The following ZNF263 variants were observed in gnomAD, a reference collection of about 807,000 sequenced individuals.
The protein encoded by ZNF263 is zinc finger protein FPM315.
A neutral mutation model predicts 63.1 loss-of-function variants in ZNF263; 49 were observed. The observed-to-expected ratio is 0.78, with a 90% CI of 0.62 to 0.99. The LOEUF (loss-of-function observed/expected upper bound fraction) is 0.99, where lower values mean the gene tolerates loss of function less well. Ranked by LOEUF, ZNF263 falls within the 50% of genes least tolerant of loss-of-function variation. The pLI is 0.00. For synonymous variants in ZNF263, 352 were observed against 324.2 expected, an observed-to-expected ratio of 1.09 and a Z score of -0.92; for missense variants, 872 against 854.8, an observed-to-expected ratio of 1.02 and a Z score of -0.25.
At chr16:3,298,633 T>C (rs993452135) in intron 1 of ZNF263, among the ~76,000 whole-genome samples, 19 of 152,218 alleles carry the variant, frequency 1.2e-4, no homozygotes, top group Non-Finnish European at 2.1e-4. Flanking sequence ...ACCTAATTTA[T>C]CCTTATCTTA....
intron 1 of ZNF263, among the ~76,000 whole-genome samples, chr16:3,297,578 T>C (rs1384523111): frequency 6.7e-6 from 1 of 149,898 alleles, no homozygotes; most frequent in African/African-American, 2.4e-5. Flanking sequence ...CATTTTCCTG[T>C]CTCAGCCTCC....
intron 2 of ZNF263, chr16:3,300,906 T>C (rs1959921706): frequency 6.8e-6 from 2 of 294,712 alleles, no homozygotes; most frequent in Non-Finnish European, 1.3e-5. Context: ...CTCCTCTCTT[T>C]TGACAGATAC....
In ZNF263 at chr16:3,290,033, G is replaced by A. The variant is rs779017747; in HGVS notation, c.1527G>A (p.Gln509=). ...FAHSSNLLRH[Q]RIHTGERPYK... ...ACAGTTCCAACCTCCTTCGGCACCA[G>A]AGAATTCACACTGGAGAGCGACCTT... The change falls in exon 6 of 6, where the codon CAG becomes CAA. Residue 509 remains glutamine (Q), a synonymous_variant. Coordinates refer to ENST00000219069, the MANE Select transcript of ZNF263 (RefSeq NM_005741.5). 4.2e-5 allele frequency: 67 copies of A among 1,614,066 alleles called. No individual in the cohort carries two copies. In the Admixed American group the frequency reaches 1.1e-3, roughly 26 times the overall value.
At chr16:3,300,891 T>C (rs1959921385) in intron 2 of ZNF263, 4 of 335,866 alleles carry the variant, frequency 1.2e-5, no homozygotes, top group Non-Finnish European at 2.3e-5. Flanking sequence ...GAATGCCCCC[T>C]ACCTCTCCTC....
chr16:3,296,912 T>C (rs974192334), intron 1 of ZNF263, among the ~76,000 whole-genome samples: 1 of 152,196 alleles, frequency 6.6e-6, no homozygotes, highest in Non-Finnish European at 1.5e-5. Flanking sequence ...GGAGTTGGTG[T>C]CTGGAGGAGG....
At position 3,291,278 on chromosome 16, in the gene ZNF263, C is replaced by T. The variant is rs139014745; in HGVS notation, c.*720C>T. Reference sequence around the variant, plus strand: ...CCTTTGTGGAGAATGAGATTCCCCCCACCTGTGTGAGAAAAATAAACAGCT... The same window carrying T: ...CCTTTGTGGAGAATGAGATTCCCCCTACCTGTGTGAGAAAAATAAACAGCT... On this transcript the variant is annotated 3_prime_UTR_variant, in exon 6 of 6. Coordinates refer to ENST00000219069, the MANE Select transcript of ZNF263 (RefSeq NM_005741.5). 5.8e-5 allele frequency: 57 copies of T among 985,376 alleles called. No homozygotes were observed. The African/African-American group carries it at 6.6e-4, about 11-fold the overall frequency. The allele number at this position is 985,376 out of a possible 1,614,324, so 61.0% of individuals were successfully genotyped here. A position where few individuals can be genotyped will look rare whatever the true frequency, so the allele number is the denominator to read the frequency against.
chr16:3,285,749 C>T lies in ZNF263; in HGVS notation c.637C>T (p.Pro213Ser), dbSNP rs1222271354. 1 of 1,613,908 alleles carries T rather than the reference C, an allele frequency of 6.2e-7. No individual in the cohort carries two copies. The highest frequency in any genetic ancestry group is 1.3e-5 in the African/African-American group (1 of 74,886). The change falls in exon 3 of 6, where the codon CCC becomes TCC. Residue 213 changes from proline to serine, a missense_variant. Transcript: ENST00000219069. ...CATGGAAGACAAGGAGATGACTGGG[C>T]CCCAGGTGATGTGGAAGTTTCCATT... is the stretch of plus-strand genomic sequence containing the variant. ...GNMEDKEMTG[P>S]QLPESLEDVA... is the part of the protein sequence containing the mutation.
chr16:3,297,819 A>C (rs113311087), intron 1 of ZNF263, among the ~76,000 whole-genome samples: 72 of 152,264 alleles, frequency 4.7e-4, no homozygotes, highest in Middle Eastern at 3.4e-3. Flanking sequence ...AGCCAATAAG[A>C]GCTAATTATC....
At chr16:3,299,467 C>T (rs1959868325) in intron 2 of ZNF263, 4 of 1,552,934 alleles carry the variant, frequency 2.6e-6, no homozygotes, top group Non-Finnish European at 3.5e-6. Flanking sequence ...ACTTTTTGCC[C>T]AGTTAAAAAT....
downstream of ZNF263, among the ~76,000 whole-genome samples, chr16:3,294,967 C>T (rs761001290): frequency 2.2e-4 from 33 of 152,158 alleles, no homozygotes; most frequent in Non-Finnish European, 3.5e-4. Context: ...GAGGCCAGTT[C>T]CCCACTCCCG....
downstream of ZNF263, among the ~76,000 whole-genome samples, chr16:3,296,247 G>A (rs916636598): frequency 6.6e-6 from 1 of 152,164 alleles, no homozygotes; most frequent in Non-Finnish European, 1.5e-5. Context: ...GAAGTTTCCA[G>A]AATCAATGAG....
chr16:3,288,558 G>C lies in ZNF263; in HGVS notation c.874G>C (p.Gly292Arg). 6.2e-7 allele frequency: 1 copy of C among 1,610,410 alleles called. No individual in the cohort carries two copies. Among genetic ancestry groups the C allele is most frequent in the Non-Finnish European group, 8.5e-7 (1 of 1,178,534 alleles). Reference protein sequence around the residue: ...QSCKEGLSPRGPAPGEEKFEN... With the variant: ...QSCKEGLSPRRPAPGEEKFEN... ...CTGCAAGGAGGGCCTGAGCCCCAGA[G>C]GCCCAGCTCCAGGTAAGGAATGAAG... The change falls in exon 5 of 6, where the codon GGC becomes CGC. Residue 292 changes from glycine to arginine, a missense_variant. Coordinates refer to ENST00000219069, the MANE Select transcript of ZNF263 (RefSeq NM_005741.5).
Position 3,284,017 on chromosome 16 carries a change from C to A in ZNF263, c.199C>A (p.His67Asn). The A allele has an allele frequency of 6.2e-7, 1 of 1,613,820 alleles. No individual in the cohort carries two copies. The highest frequency in any genetic ancestry group is 1.1e-5 in the South Asian group (1 of 91,078). Residue 67 changes from histidine (H) to asparagine (N), a missense_variant, in exon 1 of 6, where the codon CAT becomes AAT. By Grantham distance (68) the His-to-Asn change is moderately conservative. Transcript: ENST00000219069. Reference protein sequence around the residue: ...EALSRLQELCHGWLRPEMRTK... With the variant: ...EALSRLQELCNGWLRPEMRTK... Reference sequence around the variant, plus strand: ...CCTCAGCCGGCTCCAAGAGCTTTGCCATGGGTGGCTTCGGCCTGAGATGCG... The same window carrying A: ...CCTCAGCCGGCTCCAAGAGCTTTGCAATGGGTGGCTTCGGCCTGAGATGCG...
In ZNF263 at chr16:3,290,322, A is replaced by G. The variant is rs1207963342; in HGVS notation, c.1816A>G (p.Thr606Ala). The G allele has an allele frequency of 6.2e-7, 1 of 1,613,842 alleles. No homozygotes were observed. Among genetic ancestry groups the G allele is most frequent in the Admixed American group, 1.7e-5 (1 of 59,986 alleles). Reference sequence around the variant, plus strand: ...CACAGGAGAGAAACCGTATAAATGTACCCTTTGTGGGGAAAACTTCTCTCA... The same window carrying G: ...CACAGGAGAGAAACCGTATAAATGTGCCCTTTGTGGGGAAAACTTCTCTCA... ...THTGEKPYKCTLCGENFSHRS... is the reference protein window; with the variant it reads ...THTGEKPYKCALCGENFSHRS... Residue 606 changes from threonine to alanine, a missense_variant, in exon 6 of 6, where the codon ACC (threonine) becomes GCC (alanine). Coordinates refer to ENST00000219069, the MANE Select transcript of ZNF263 (RefSeq NM_005741.5).
Position 3,286,011 on chromosome 16 carries a change from G to A in ZNF263, c.643-12G>A, listed in dbSNP as rs1959339738. On this transcript the variant is annotated splice_polypyrimidine_tract_variant and intron_variant, in intron 3 of 5. Transcript: ENST00000219069. Reference sequence around the variant, plus strand: ...TGCATCAGGGGCTAAAGGAGATCTTGTGCTGTTTCAGTTGCCTGAGAGCTT... The same window carrying A: ...TGCATCAGGGGCTAAAGGAGATCTTATGCTGTTTCAGTTGCCTGAGAGCTT... 1 of 1,614,004 alleles carries A rather than the reference G, an allele frequency of 6.2e-7. No individual in the cohort carries two copies. Among genetic ancestry groups the A allele is most frequent in the Admixed American group, 1.7e-5 (1 of 59,978 alleles).
intron 1 of ZNF263, among the ~76,000 whole-genome samples, chr16:3,297,456 C>CTTT (rs1168352573): frequency 3.3e-4 from 25 of 76,482 alleles, no homozygotes; most frequent in East Asian, 8.2e-4. Context: ...GAAACAGATT[C>CTTT]TTTTTTTTTT....
intron 4 of ZNF263, 173 bp downstream of exon 4, chr16:3,286,322 G>C: frequency 1.2e-5 from 11 of 925,022 alleles, no homozygotes; most frequent in Middle Eastern, 3.6e-4. Flanking sequence ...AAGTGGTACA[G>C]TTGGCACAGG....
chr16:3,300,687 C>A (rs1364748902), intron 2 of ZNF263: 6 of 1,507,552 alleles, frequency 4.0e-6, no homozygotes, highest in Non-Finnish European at 4.4e-6. Context: ...AAAAAAAAAA[C>A]CCACATTTTT....
intron 2 of ZNF263, chr16:3,299,757 G>C (rs148242088): frequency 1.3e-6 from 2 of 1,547,028 alleles, no homozygotes; most frequent in Non-Finnish European, 1.7e-6. Flanking sequence ...TGACGTCCTC[G>C]TCATGAAATC....
Sources: gnomAD v4.1 joint callset for allele counts (sites outside exome capture counted in the v4.1 genomes callset) on GRCh38, gnomAD v4.1.1 for gene constraint, MANE v1.5 for transcripts, NCBI Gene and HGNC (gene_info 2026-07-23, HGNC 2026-07-21) for gene names.